The following AOPEP variants were observed in gnomAD, a reference collection of about 807,000 sequenced individuals.
AOPEP encodes aminopeptidase O (putative), also known as aminopeptidase O.
A neutral mutation model predicts 98.1 loss-of-function variants in AOPEP; 77 were observed. The observed-to-expected ratio is 0.78, with a 90% CI of 0.65 to 0.95. AOPEP has a LOEUF of 0.95. Among genes scored for constraint, AOPEP ranks in the 40% least tolerant of loss-of-function variants. AOPEP has a pLI of 0.00. For synonymous variants in AOPEP, 346 were observed against 365.3 expected (o/e 0.95, Z 0.60); for missense variants, 1,024 against 1,024.7 (o/e 1.00, Z 0.01).
rs980083416 is a variant in AOPEP, at chr9:94,930,548, A to C, written c.1661+2017A>C. ...AAATCCTCAGGGAGAGAGGAAAGTG[A>C]GAGAAGAGGTCAGGAGGAAGAGGGG... On this transcript the variant is annotated intron_variant, in intron 7 of 16. Transcript: ENST00000375315. The surrounding 1 kb of genome is among the most constrained non-coding windows in gnomAD (Gnocchi z 4.5). 7.7e-4 allele frequency among the ~76,000 whole-genome samples: 117 copies of C among 152,106 alleles called. No homozygotes were observed. Among genetic ancestry groups the C allele is most frequent in the Non-Finnish European group, 2.9e-5 (2 of 68,026 alleles).
chr9:95,101,473 C>T, the AOPEP span: 26 of 583,630 alleles, frequency 4.5e-5, no homozygotes, highest in African/African-American at 3.5e-4. Flanking sequence ...CCAGGAGTAC[C>T]GAAGGCTCAC....
chr9:95,016,515 T>TGGCTGGGC, intron 13 of AOPEP, among the ~76,000 whole-genome samples: 1 of 152,228 alleles, frequency 6.6e-6, no homozygotes, highest in South Asian at 2.1e-4. Flanking sequence ...AGTGCTGGGA[T>TGGCTGGGC]TACAGGTGTG....
At chr9:94,906,904 C>T (rs1269230101) in intron 5 of AOPEP, among the ~76,000 whole-genome samples, 1 of 152,184 alleles carries the variant, frequency 6.6e-6, no homozygotes, top group Non-Finnish European at 1.5e-5. Flanking sequence ...TGTGTGTTCC[C>T]TGAATGGAAT....
chr9:94,823,120 C>T (rs1290805705), intron 5 of AOPEP, among the ~76,000 whole-genome samples: 1 of 152,174 alleles, frequency 6.6e-6, no homozygotes, highest in Non-Finnish European at 1.5e-5. Context: ...CCTTAGCCTC[C>T]TGAGTAGCTG....
chr9:94,807,966 T>C (rs1482914575), intron 5 of AOPEP, among the ~76,000 whole-genome samples: 1 of 152,148 alleles, frequency 6.6e-6, no homozygotes, highest in Non-Finnish European at 1.5e-5. Context: ...ATAAAGTGGG[T>C]GAGAAATTGC....
At chr9:95,102,047 CAGTG>C in the AOPEP span, among the ~76,000 whole-genome samples, 1 of 152,218 alleles carries the variant, frequency 6.6e-6, no homozygotes, top group African/African-American at 2.4e-5. Flanking sequence ...GCTGGCTACA[CAGTG>C]AGCGGTGCCA....
chr9:94,766,591 G>A (rs1031169667), intron 2 of AOPEP, among the ~76,000 whole-genome samples: 2 of 152,098 alleles, frequency 1.3e-5, no homozygotes, highest in East Asian at 1.9e-4. Context: ...TCTCTTTTTC[G>A]TTAGAATCAT....
intron 9 of AOPEP, among the ~76,000 whole-genome samples, chr9:94,966,474 A>G (rs777992140): frequency 3.3e-5 from 5 of 152,246 alleles, no homozygotes; most frequent in Non-Finnish European, 7.3e-5. Context: ...CTTGTCTGTC[A>G]TGTTTGGGCA....
intron 13 of AOPEP, among the ~76,000 whole-genome samples, chr9:95,007,882 CT>C (rs1180497746): frequency 6.6e-6 from 1 of 152,138 alleles, no homozygotes; most frequent in East Asian, 1.9e-4. Flanking sequence ...ATGTGTTAAC[CT>C]TTTGCTAGGA....
At chr9:95,017,532 C>T (rs1038522502) in intron 13 of AOPEP, among the ~76,000 whole-genome samples, 22 of 152,182 alleles carry the variant, frequency 1.4e-4, no homozygotes, top group African/African-American at 5.1e-4. Context: ...CGTTATGCAG[C>T]GTGTGGCTCT....
intron 5 of AOPEP, among the ~76,000 whole-genome samples, chr9:94,890,826 T>A (rs2048799240): frequency 6.6e-6 from 1 of 152,252 alleles, no homozygotes; most frequent in African/African-American, 2.4e-5. Flanking sequence ...TTCTCTATGA[T>A]TTGAATTATT....
At chr9:94,791,473 G>T (rs756567956) in intron 3 of AOPEP, among the ~76,000 whole-genome samples, 8 of 151,260 alleles carry the variant, frequency 5.3e-5, no homozygotes, top group Non-Finnish European at 1.2e-4. Context: ...TTCAAGACTA[G>T]CCTGAGCAAC....
chr9:95,134,245 C>T, the AOPEP span, among the ~76,000 whole-genome samples: 15 of 152,286 alleles, frequency 9.8e-5, no homozygotes, highest in African/African-American at 3.6e-4. Flanking sequence ...TTCCCTTAGA[C>T]AGTCTCCAAC....
At chr9:95,033,465 CAT>C (rs1247597350) in intron 13 of AOPEP, among the ~76,000 whole-genome samples, 2 of 152,098 alleles carry the variant, frequency 1.3e-5, no homozygotes, top group Non-Finnish European at 2.9e-5. Flanking sequence ...TTGATAGGCT[CAT>C]GTGTATGTGG....
intron 9 of AOPEP, among the ~76,000 whole-genome samples, chr9:94,965,213 G>T (rs1040715334): frequency 3.3e-5 from 5 of 152,186 alleles, no homozygotes; most frequent in African/African-American, 9.7e-5. Flanking sequence ...AACGACTTCA[G>T]TTGTGAGGCA....
intron 5 of AOPEP, among the ~76,000 whole-genome samples, chr9:94,802,246 G>A (rs1848361023): frequency 6.6e-6 from 1 of 152,038 alleles, no homozygotes; most frequent in African/African-American, 2.4e-5. Flanking sequence ...GGTGAAAAAA[G>A]AGTTGTTCAT....
At chr9:94,732,797 A>G (rs1317273248) in intron 1 of AOPEP, among the ~76,000 whole-genome samples, 1 of 152,212 alleles carries the variant, frequency 6.6e-6, no homozygotes, top group Non-Finnish European at 1.5e-5. Flanking sequence ...ACTATGTTTT[A>G]TCAAATAACT....
At chr9:94,865,786 G>C (rs904308471) in intron 5 of AOPEP, among the ~76,000 whole-genome samples, 1 of 152,228 alleles carries the variant, frequency 6.6e-6, no homozygotes, top group Non-Finnish European at 1.5e-5. Context: ...AAAACAGACA[G>C]ATGTTGGAAC....
chr9:95,108,510 T>C, the AOPEP span, among the ~76,000 whole-genome samples: 1 of 152,270 alleles, frequency 6.6e-6, no homozygotes, highest in African/African-American at 2.4e-5. Context: ...TCTTCCTTTA[T>C]GTCTGGCCCA....
Sources: gnomAD v4.1 joint callset for allele counts (sites outside exome capture counted in the v4.1 genomes callset) on GRCh38, gnomAD v4.1.1 for gene constraint, Gnocchi (gnomAD v3.1) non-coding constraint, MANE v1.5 for transcripts, NCBI Gene and HGNC (gene_info 2026-07-23, HGNC 2026-07-21) for gene names.